PTPRK: variants seen among roughly 807,000 people sequenced by gnomAD.
PTPRK encodes the protein receptor-type tyrosine-protein phosphatase kappa.
In PTPRK, 75 loss-of-function variants were observed where a neutral mutation model predicts 178.0. The ratio of observed to expected loss-of-function variants is 0.42; its 90% CI spans 0.35 to 0.51. The LOEUF (loss-of-function observed/expected upper bound fraction) is 0.51. Ranked by LOEUF, PTPRK falls within the 20% of genes least tolerant of loss-of-function variation. The pLI is 0.02. For missense variants in PTPRK, 1,441 were observed against 1,797.8 expected, an observed-to-expected ratio of 0.80 and a Z score of 3.59; for synonymous variants, 637 against 620.6, an observed-to-expected ratio of 1.03 and a Z score of -0.39.
intron 1 of PTPRK, among the ~76,000 whole-genome samples, chr6:128,421,447 T>A (rs1337572198): frequency 2.0e-5 from 3 of 152,174 alleles, no homozygotes; most frequent in Non-Finnish European, 4.4e-5. Context: ...AATGGGGAGT[T>A]TTTTTAAAAG....
intron 3 of PTPRK, among the ~76,000 whole-genome samples, chr6:128,311,175 T>C (rs1405194806): frequency 6.6e-6 from 1 of 152,028 alleles, no homozygotes; most frequent in East Asian, 1.9e-4. Context: ...GGGAACTAAG[T>C]AACAAAAATA....
intron 5 of PTPRK, among the ~76,000 whole-genome samples, chr6:128,239,625 C>T (rs942104119): frequency 2.0e-5 from 3 of 152,048 alleles, no homozygotes; most frequent in African/African-American, 7.2e-5. Flanking sequence ...TGAAATATTC[C>T]CAAGGGTTTC....
intron 3 of PTPRK, among the ~76,000 whole-genome samples, chr6:128,272,903 C>T (rs370026517): frequency 1.2e-4 from 18 of 152,266 alleles, no homozygotes; most frequent in Middle Eastern, 3.4e-3. Flanking sequence ...TAAAGACACA[C>T]GGACACGTAT....
chr6:128,299,272 T>A (rs1825099787), intron 3 of PTPRK, among the ~76,000 whole-genome samples: 3 of 150,782 alleles, frequency 2.0e-5, no homozygotes, highest in Admixed American at 1.3e-4. Flanking sequence ...GAAGAATCAA[T>A]ATCATGAAAA....
intron 3 of PTPRK, among the ~76,000 whole-genome samples, chr6:128,258,632 G>A (rs1817704911): frequency 6.6e-6 from 1 of 152,182 alleles, no homozygotes; most frequent in South Asian, 2.1e-4. Flanking sequence ...AGGCTAGTAT[G>A]GAAGAAAGAC....
intron 7 of PTPRK, among the ~76,000 whole-genome samples, chr6:128,155,030 G>A (rs1286591065): frequency 1.3e-5 from 2 of 151,614 alleles, no homozygotes; most frequent in East Asian, 3.9e-4. Context: ...CACAGCACTT[G>A]GGTGATTAAA....
rs1162067592 is a variant in PTPRK, at chr6:128,398,117, T to G, written c.101-429A>C. Among the ~76,000 whole-genome samples the G allele has an allele frequency of 2.0e-5, 3 of 152,138 alleles. No homozygotes were observed. In the East Asian group the frequency reaches 5.8e-4, roughly 29 times the overall value. On this transcript the variant is annotated intron_variant, in intron 1 of 29. Transcript: ENST00000368226. ...AGCAGAGATTTACTGAAAATGAAAG[T>G]ACACTCCACACTGTGGGAGTGCGCG...
At chr6:128,279,854 C>T (rs149324575) in intron 3 of PTPRK, among the ~76,000 whole-genome samples, 358 of 152,268 alleles carry the variant, frequency 2.4e-3, no homozygotes, top group Non-Finnish European at 4.3e-3. Context: ...CACATTCCAT[C>T]CCAAGCCATT....
In PTPRK at chr6:128,067,404, A is replaced by G. The variant is rs550500517; in HGVS notation, c.2157+115T>C. The G allele has an allele frequency of 2.7e-4, 321 of 1,206,442 alleles. 1 individual carries two copies. The African/African-American group carries it at 4.5e-3, about 17-fold the overall frequency. 74.7% of individuals were successfully genotyped at this position (1,206,442 alleles called of 1,614,324 possible). On this transcript the variant is annotated intron_variant, in intron 12 of 29. Coordinates refer to ENST00000368226, the MANE Select transcript of PTPRK (RefSeq NM_002844.4). ...CACTGTTGAGAACAGAACCCCCTAC[A>G]TGCAAATTTTCTTTTTCTTTTTTTT... is the stretch of plus-strand genomic sequence containing the variant.
intron 7 of PTPRK, among the ~76,000 whole-genome samples, chr6:128,104,464 C>T (rs1171989846): frequency 1.3e-5 from 2 of 152,174 alleles, no homozygotes; most frequent in African/African-American, 2.4e-5. Flanking sequence ...CCTCGTGATC[C>T]GCCTGCCTCG....
chr6:127,990,954 C>A (rs1776538876), intron 20 of PTPRK, 69 bp from the exon 21 acceptor site: 2 of 885,736 alleles, frequency 2.3e-6, no homozygotes, highest in South Asian at 1.6e-5. Context: ...TGATTTAATT[C>A]CAGCAATAAC....
intron 24 of PTPRK, 84 bp downstream of exon 24, chr6:127,982,747 T>A (rs981518810): frequency 2.8e-5 from 36 of 1,281,288 alleles, no homozygotes; most frequent in Non-Finnish European, 3.8e-5. Flanking sequence ...TAAATTTGAC[T>A]TGAAAGACCT....
intron 22 of PTPRK, among the ~76,000 whole-genome samples, chr6:127,984,908 C>A (rs779576788): frequency 3.3e-5 from 5 of 152,146 alleles, no homozygotes; most frequent in African/African-American, 4.8e-5. Flanking sequence ...TTTACCTTTA[C>A]TTCATTCTCT....
At position 128,004,994 on chromosome 6, in the gene PTPRK, A is replaced by C. The variant is rs917598115; in HGVS notation, c.2494+90T>G. On this transcript the variant is annotated intron_variant, in intron 15 of 29. Transcript: ENST00000368226. ...TAGCTGCTTCTCCCCTCACTTTCCT[A>C]CTCTCTCTCATTACTCAAAAGGTAT... 114 of 1,046,034 alleles carry C rather than the reference A, an allele frequency of 1.1e-4. No individual in the cohort carries two copies. The Admixed American group carries it at 2.0e-3, about 19-fold the overall frequency. 64.8% of individuals were successfully genotyped at this position (1,046,034 alleles called of 1,614,324 possible).
chr6:128,428,831 T>C (rs1844488914), intron 1 of PTPRK, among the ~76,000 whole-genome samples: 1 of 152,230 alleles, frequency 6.6e-6, no homozygotes, highest in Admixed American at 6.5e-5. Flanking sequence ...CATCCTGTTT[T>C]TCACTTTCAA....
intron 7 of PTPRK, among the ~76,000 whole-genome samples, chr6:128,121,122 A>G (rs1476601598): frequency 6.6e-6 from 1 of 152,058 alleles, no homozygotes; most frequent in Non-Finnish European, 1.5e-5. Context: ...AACTATTACT[A>G]TGTAAAACTA....
chr6:128,251,779 A>C (rs556016752), intron 3 of PTPRK, among the ~76,000 whole-genome samples: 1 of 152,216 alleles, frequency 6.6e-6, no homozygotes, highest in Non-Finnish European at 1.5e-5. Flanking sequence ...TGTTAATACT[A>C]TTTATAATGT....
intron 6 of PTPRK, among the ~76,000 whole-genome samples, chr6:128,217,545 G>A (rs970969559): frequency 2.0e-5 from 3 of 152,144 alleles, no homozygotes; most frequent in Non-Finnish European, 4.4e-5. Flanking sequence ...ATCATAAAGT[G>A]TGAATTTCAA....
chr6:128,086,628 C>A (rs17055274), intron 8 of PTPRK, among the ~76,000 whole-genome samples: 5,244 of 152,174 alleles, frequency 0.034, 157 homozygotes, highest in Middle Eastern at 0.092. Flanking sequence ...ATCAGATCAT[C>A]ATAATCCATC....
Sources: gnomAD v4.1 joint callset for allele counts (sites outside exome capture counted in the v4.1 genomes callset) on GRCh38, gnomAD v4.1.1 for gene constraint, MANE v1.5 for transcripts, NCBI Gene and HGNC (gene_info 2026-07-23, HGNC 2026-07-21) for gene names.